Variants in ACTN1 observed in about 807,000 individuals in gnomAD.
ACTN1 encodes the protein alpha-actinin-1.
ACTN1 carries 30 observed loss-of-function variants against 119.6 expected under a neutral mutation model. That is an observed-to-expected ratio of 0.25 (90% confidence interval 0.19 to 0.34). ACTN1 has a LOEUF of 0.34. ACTN1 is among the 10% of genes least tolerant of loss of function. The pLI is 1.00. For synonymous variants in ACTN1, 429 were observed against 472.6 expected, an observed-to-expected ratio of 0.91 and a Z score of 1.20; for missense variants, 764 against 1,223.4, an observed-to-expected ratio of 0.62 and a Z score of 5.60.
At chr14:68,959,047 C>T (rs890010552) in intron 1 of ACTN1, among the ~76,000 whole-genome samples, 2 of 152,174 alleles carry the variant, frequency 1.3e-5, no homozygotes, top group African/African-American at 2.4e-5. Flanking sequence ...ATGGCAAAAC[C>T]CGCGATTACT....
rs566944399 is a variant in ACTN1 at position 68,885,336 on chromosome 14, T to G, written c.1385+89A>C. The G allele has an allele frequency of 6.8e-3, 9,927 of 1,466,262 alleles. 49 individuals carry two copies. Among genetic ancestry groups the G allele is most frequent in the Non-Finnish European group, 8.4e-3 (9,261 of 1,101,678 alleles). 90.8% of individuals were successfully genotyped at this position (1,466,262 alleles called of 1,614,324 possible). A position where few individuals can be genotyped will look rare whatever the true frequency, so the allele number is the denominator to read the frequency against. On this transcript the variant is annotated intron_variant, in intron 12 of 21. Coordinates refer to ENST00000394419, the MANE Select transcript of ACTN1 (RefSeq NM_001130004.2). The surrounding 1 kb of genome is among the most constrained non-coding windows in gnomAD (Gnocchi z 5.6). The stretch of plus-strand genomic sequence containing the variant: ...CCACCTGTACCCACCCTCCCCATCT[T>G]CCACGGCCACACCCCCACCTCCCCC...
intron 2 of ACTN1, among the ~76,000 whole-genome samples, chr14:68,924,091 A>G (rs1402512993): frequency 3.3e-5 from 5 of 152,180 alleles, no homozygotes; most frequent in South Asian, 4.1e-4. Flanking sequence ...AAAAAGTAGA[A>G]TGGTGGTTGC....
chr14:68,890,027 A>G, intron 11 of ACTN1, 112 bp downstream of exon 11: 2 of 1,475,728 alleles, frequency 1.4e-6, no homozygotes, highest in East Asian at 2.5e-5. Context: ...GGAACTAGTA[A>G]GAGACCAAAT....
rs1005993570 is a variant in ACTN1 at position 68,878,729 on chromosome 14, G to A, written c.2362-206C>T. ...CCAAAGACAGGAGGAAGACAGAGCA[G>A]GGAGATGCAAAAATCCACCCATGGG... On this transcript the variant is annotated intron_variant, in intron 19 of 21. Coordinates refer to ENST00000394419, the MANE Select transcript of ACTN1 (RefSeq NM_001130004.2). This position sits in a 1 kb window ranked among gnomAD's most constrained non-coding sequence, Gnocchi z 4.4. 1 of 1,537,446 alleles carries A rather than the reference G, an allele frequency of 6.5e-7. No individual in the cohort carries two copies. Among genetic ancestry groups the A allele is most frequent in the Non-Finnish European group, 8.7e-7 (1 of 1,147,620 alleles).
chr14:68,891,351 A>G (rs1203356663), intron 10 of ACTN1, among the ~76,000 whole-genome samples: 15 of 152,266 alleles, frequency 9.9e-5, no homozygotes, highest in Admixed American at 9.8e-4. Flanking sequence ...ATTTTATGAC[A>G]TGGAAAGCTG....
At chr14:68,918,564 G>A (rs538636074) in intron 3 of ACTN1, among the ~76,000 whole-genome samples, 6 of 146,924 alleles carry the variant, frequency 4.1e-5, no homozygotes, top group African/African-American at 7.6e-5. Context: ...CAGCCTGGGC[G>A]ACAGAGTGAG....
chr14:68,876,972 C>G, intron 21 of ACTN1, 110 bp downstream of exon 21: 3 of 1,358,520 alleles, frequency 2.2e-6, no homozygotes, highest in East Asian at 2.5e-5. Context: ...GCCAAAGGAC[C>G]CTGGAAGAAG....
At chr14:68,939,459 G>A (rs916953187) in intron 1 of ACTN1, among the ~76,000 whole-genome samples, 1 of 152,162 alleles carries the variant, frequency 6.6e-6, no homozygotes, top group Non-Finnish European at 1.5e-5. Flanking sequence ...ATAAAATAAA[G>A]ATAAAATGAG....
Position 68,884,769 on chromosome 14 carries a change from T to C in ACTN1, c.1494+6A>G, listed in dbSNP as rs2140106144. The C allele has an allele frequency of 6.2e-7, 1 of 1,606,902 alleles. No individual in the cohort carries two copies. Among genetic ancestry groups the C allele is most frequent in the Non-Finnish European group, 8.5e-7 (1 of 1,173,434 alleles). ...TGGGCCTAGATCTCCCTCTGGGACCTCTCACCTCCAGAGCTTCCCTTCGCT... is the reference window on the plus strand; with the variant it reads ...TGGGCCTAGATCTCCCTCTGGGACCCCTCACCTCCAGAGCTTCCCTTCGCT... On this transcript the variant is annotated splice_donor_region_variant and intron_variant, in intron 13 of 21. Coordinates refer to ENST00000394419, the MANE Select transcript of ACTN1 (RefSeq NM_001130004.2).
chr14:68,879,748 T>A lies in ACTN1; in HGVS notation c.2280+214A>T. The A allele has an allele frequency of 1.7e-6, 1 of 578,522 alleles. No individual in the cohort carries two copies. The highest frequency in any genetic ancestry group is 3.1e-5 in the East Asian group (1 of 31,772). The allele number at this position is 578,522 out of a possible 1,614,324, so 35.8% of individuals were successfully genotyped here. A position where few individuals can be genotyped will look rare whatever the true frequency, so the allele number is the denominator to read the frequency against. On this transcript the variant is annotated intron_variant, in intron 18 of 21. Transcript: ENST00000394419. This position sits in a 1 kb window ranked among gnomAD's most constrained non-coding sequence, Gnocchi z 4.9. ...CTCTTTCTACCCACAGTCTGAACAC[T>A]CTCTCCCGGAAAGCAGGGAAGCTTA... is the stretch of plus-strand genomic sequence containing the variant.
chr14:68,954,000 A>G (rs963485663), intron 1 of ACTN1, among the ~76,000 whole-genome samples: 1 of 152,234 alleles, frequency 6.6e-6, no homozygotes, highest in African/African-American at 2.4e-5. Flanking sequence ...ATTTTTTAAA[A>G]TAATGAATCC....
chr14:68,892,768 G>A (rs2032591067), intron 9 of ACTN1, among the ~76,000 whole-genome samples: 1 of 152,128 alleles, frequency 6.6e-6, no homozygotes, highest in Non-Finnish European at 1.5e-5. Flanking sequence ...GCAGAGAGCT[G>A]GCCTGGAGCA....
intron 3 of ACTN1, among the ~76,000 whole-genome samples, chr14:68,916,974 C>A (rs10147081): frequency 6.6e-6 from 1 of 152,018 alleles, no homozygotes; most frequent in Non-Finnish European, 1.5e-5. Flanking sequence ...TGGTATGGCA[C>A]CCACCGCCCC....
Position 68,878,094 on chromosome 14 carries a change from T to G in ACTN1, c.2427+364A>C. On this transcript the variant is annotated intron_variant, in intron 20 of 21. Coordinates refer to ENST00000394419, the MANE Select transcript of ACTN1 (RefSeq NM_001130004.2). The surrounding 1 kb of genome is among the most constrained non-coding windows in gnomAD (Gnocchi z 4.4). ...GTCACCGCCAGGACAGAGGTGGAAG[T>G]CTCGGTTTCCATGCTCCATGTGAGG... 1 of 206,472 alleles carries G rather than the reference T, an allele frequency of 4.8e-6. No homozygotes were observed. The highest frequency in any genetic ancestry group is 9.8e-6 in the Non-Finnish European group (1 of 101,804). The allele number at this position is 206,472 out of a possible 1,614,324, so 12.8% of individuals were successfully genotyped here. A position where few individuals can be genotyped will look rare whatever the true frequency, so the allele number is the denominator to read the frequency against.
chr14:68,952,058 C>A (rs918974588), intron 1 of ACTN1, among the ~76,000 whole-genome samples: 1 of 152,220 alleles, frequency 6.6e-6, no homozygotes, highest in Non-Finnish European at 1.5e-5. Flanking sequence ...CCACATGAAG[C>A]TGGCAAAAGA....
chr14:68,932,549 T>G (rs2035274392), intron 1 of ACTN1, among the ~76,000 whole-genome samples: 2 of 148,040 alleles, frequency 1.4e-5, no homozygotes. Flanking sequence ...TAATTTTTCT[T>G]GGAGACTGGG....
intron 1 of ACTN1, chr14:68,978,656 G>T (rs1269307926): frequency 1.0e-5 from 3 of 301,462 alleles, no homozygotes; most frequent in African/African-American, 4.5e-5. Flanking sequence ...CGCGGGGATG[G>T]TTGCAACAGC....
intron 1 of ACTN1, among the ~76,000 whole-genome samples, chr14:68,941,573 G>A (rs1308459159): frequency 1.3e-5 from 2 of 152,106 alleles, no homozygotes; most frequent in Non-Finnish European, 2.9e-5. Flanking sequence ...TGTAAAACAG[G>A]GATAATACCT....
rs1421399410 is a variant in ACTN1, at chr14:68,877,222, G to A, written c.2446C>T (p.Arg816Cys). Residue 816 changes from arginine to cysteine, a missense_variant, in exon 21 of 22, where the codon CGC becomes TGC. By Grantham distance (180) the Arg-to-Cys change is radical. Transcript: ENST00000394419. ...TTGGGGTCCACAATGCTCATGATGCGGGCAAATTCTGCTTCTCCCTGGAGG... is the reference window on the plus strand; with the variant it reads ...TTGGGGTCCACAATGCTCATGATGCAGGCAAATTCTGCTTCTCCCTGGAGG... ...GYNMGEAEFA[R>C]IMSIVDPNRL... 1.3e-5 allele frequency: 21 copies of A among 1,613,964 alleles called. No homozygotes were observed. The highest frequency in any genetic ancestry group is 1.6e-5 in the Non-Finnish European group (19 of 1,180,020).
Sources: allele counts gnomAD v4.1 joint callset (sites outside exome capture counted in the v4.1 genomes callset), GRCh38; gene constraint gnomAD v4.1.1; non-coding constraint Gnocchi (gnomAD v3.1); transcripts MANE v1.5; gene names NCBI Gene and HGNC (gene_info 2026-07-23, HGNC 2026-07-21).